The following LEF1 variants were observed in gnomAD, a reference collection of about 807,000 sequenced individuals.
LEF1 encodes the protein lymphoid enhancer-binding factor 1.
In LEF1, 14 loss-of-function variants were observed where a neutral mutation model predicts 51.2. That is an observed-to-expected ratio of 0.27 (90% confidence interval 0.18 to 0.43). The LOEUF (loss-of-function observed/expected upper bound fraction) is 0.43, where lower values mean the gene tolerates loss of function less well. LEF1 is among the 20% of genes least tolerant of loss of function. The pLI is 1.00. For missense variants in LEF1, 386 were observed against 512.0 expected (o/e 0.75, Z 2.37); for synonymous variants, 185 against 183.2 (o/e 1.01, Z -0.08).
At chr4:108,136,292 C>A (rs1355248592) in intron 3 of LEF1, among the ~76,000 whole-genome samples, 1 of 152,150 alleles carries the variant, frequency 6.6e-6, no homozygotes, top group Non-Finnish European at 1.5e-5. Flanking sequence ...TCTTTCTTAA[C>A]CATTTCTGCT....
chr4:108,053,120 TG>T (rs1279865509), intron 11 of LEF1, among the ~76,000 whole-genome samples: 2 of 152,164 alleles, frequency 1.3e-5, no homozygotes, highest in African/African-American at 4.8e-5. Flanking sequence ...CAACAACCCC[TG>T]TATCCTGGTG....
intron 3 of LEF1, among the ~76,000 whole-genome samples, chr4:108,131,019 CT>C (rs1301106158): frequency 3.3e-5 from 5 of 150,982 alleles, no homozygotes; most frequent in Admixed American, 2.6e-4. Context: ...TTTTATTTAT[CT>C]TTTTTTTTAG....
intron 3 of LEF1, among the ~76,000 whole-genome samples, chr4:108,150,723 T>C (rs1179639332): frequency 4.6e-5 from 7 of 152,194 alleles, no homozygotes; most frequent in Admixed American, 3.9e-4. Flanking sequence ...GTTGGGACTA[T>C]GGACATTCAA....
intron 9 of LEF1, among the ~76,000 whole-genome samples, chr4:108,067,592 C>T (rs781571970): frequency 3.3e-5 from 5 of 150,396 alleles, no homozygotes; most frequent in South Asian, 2.1e-4. Context: ...TGCAGTGGTG[C>T]GATCTGGGCT....
chr4:108,079,681 C>T, intron 6 of LEF1, 67 bp from the exon 7 acceptor site: 5 of 1,547,806 alleles, frequency 3.2e-6, no homozygotes, highest in Non-Finnish European at 4.4e-6. Context: ...GATGGAATTT[C>T]AAAGCAATCC....
chr4:108,052,715 TAG>T (rs1737082050), intron 11 of LEF1, among the ~76,000 whole-genome samples: 1 of 152,116 alleles, frequency 6.6e-6, no homozygotes, highest in Non-Finnish European at 1.5e-5. Flanking sequence ...TGGTGACCCC[TAG>T]AGAGTCCCAG....
At chr4:108,095,706 G>A (rs1740333732) in intron 3 of LEF1, among the ~76,000 whole-genome samples, 1 of 152,172 alleles carries the variant, frequency 6.6e-6, no homozygotes, top group South Asian at 2.1e-4. Context: ...TCTCTGTAAG[G>A]TGGTGAATTC....
At chr4:108,082,535 G>T (rs1203166345) in intron 5 of LEF1, among the ~76,000 whole-genome samples, 1 of 152,110 alleles carries the variant, frequency 6.6e-6, no homozygotes, top group Admixed American at 6.5e-5. Context: ...ATGACATGGG[G>T]GCTGTGACAT....
intron 11 of LEF1, among the ~76,000 whole-genome samples, chr4:108,061,534 G>A (rs1423171907): frequency 6.6e-6 from 1 of 152,096 alleles, no homozygotes; most frequent in African/African-American, 2.4e-5. Context: ...TAAATCGAGT[G>A]CCAGCCCTTG....
chr4:108,126,076 C>G (rs931737320), intron 3 of LEF1, among the ~76,000 whole-genome samples: 2 of 152,128 alleles, frequency 1.3e-5, no homozygotes, highest in Non-Finnish European at 2.9e-5. Flanking sequence ...ATTCCTGAGT[C>G]TAGTGGTCAT....
chr4:108,158,926 T>C (rs1744902487), intron 3 of LEF1, among the ~76,000 whole-genome samples: 1 of 151,934 alleles, frequency 6.6e-6, no homozygotes, highest in Non-Finnish European at 1.5e-5. Context: ...GTGGAAAAAA[T>C]ACTTCAAAAG....
chr4:108,166,856 A>G, intron 1 of LEF1: 1 of 980,014 alleles, frequency 1.0e-6, no homozygotes, highest in Non-Finnish European at 1.2e-6. Flanking sequence ...GGGGCGGTAC[A>G]GCCAGGGTGT....
At chr4:108,141,899 A>T (rs890658051) in intron 3 of LEF1, among the ~76,000 whole-genome samples, 1 of 152,126 alleles carries the variant, frequency 6.6e-6, no homozygotes, top group African/African-American at 2.4e-5. Flanking sequence ...AATGAAGGGG[A>T]GGGAAATACA....
At chr4:108,101,463 C>G (rs1344252397) in intron 3 of LEF1, among the ~76,000 whole-genome samples, 1 of 152,072 alleles carries the variant, frequency 6.6e-6, no homozygotes, top group Non-Finnish European at 1.5e-5. Flanking sequence ...TTAGGGATTT[C>G]TGAAAACCAT....
At chr4:108,087,224 A>G (rs960612190) in intron 4 of LEF1, among the ~76,000 whole-genome samples, 3 of 152,354 alleles carry the variant, frequency 2.0e-5, no homozygotes, top group African/African-American at 7.2e-5. Flanking sequence ...TGGAGTTTAT[A>G]TATCTCCAGA....
At chr4:108,071,066 A>G (rs1007341804) in intron 8 of LEF1, among the ~76,000 whole-genome samples, 6 of 152,204 alleles carry the variant, frequency 3.9e-5, no homozygotes, top group Non-Finnish European at 7.3e-5. Flanking sequence ...CTTTTCCAAT[A>G]TAAATTAAAA....
chr4:108,103,200 C>T (rs749780061), intron 3 of LEF1, among the ~76,000 whole-genome samples: 5 of 152,338 alleles, frequency 3.3e-5, no homozygotes, highest in South Asian at 2.1e-4. Flanking sequence ...ATGGAACCTT[C>T]GCCTTCCTCC....
At chr4:108,132,989 T>A (rs1398920678) in intron 3 of LEF1, among the ~76,000 whole-genome samples, 1 of 151,934 alleles carries the variant, frequency 6.6e-6, no homozygotes, top group Non-Finnish European at 1.5e-5. Flanking sequence ...TTTTTCTTTT[T>A]TTGAAATGGA....
intron 3 of LEF1, among the ~76,000 whole-genome samples, chr4:108,161,950 C>CA (rs1292417648): frequency 6.6e-6 from 1 of 152,054 alleles, no homozygotes; most frequent in Non-Finnish European, 1.5e-5. Flanking sequence ...CCACCCCCTC[C>CA]AAAAACAGCA....
Sources: gnomAD v4.1 joint callset for allele counts (sites outside exome capture counted in the v4.1 genomes callset) on GRCh38, gnomAD v4.1.1 for gene constraint, MANE v1.5 for transcripts, NCBI Gene and HGNC (gene_info 2026-07-23, HGNC 2026-07-21) for gene names.